Variants in RBM47 observed in about 807,000 individuals in gnomAD.
The protein encoded by RBM47 is RNA-binding protein 47.
Under a neutral mutation model 47.1 loss-of-function variants are expected in RBM47, and 21 were observed. The observed-to-expected ratio is 0.45, with a 90% CI of 0.32 to 0.64. The LOEUF is 0.64. Ranked by LOEUF, RBM47 falls within the 30% of genes least tolerant of loss-of-function variation. RBM47 has a pLI of 0.05. For synonymous variants in RBM47, 375 were observed against 361.7 expected (o/e 1.04, Z -0.42); for missense variants, 708 against 870.9 (o/e 0.81, Z 2.35).
rs905614203 is a variant in RBM47 at position 40,629,800 on chromosome 4, C to T, written c.-644G>A. 6.6e-6 allele frequency: 1 copy of T among 152,216 alleles called. No individual in the cohort carries two copies. The allele number at this position is 152,216 out of a possible 1,614,324, so 9.4% of individuals were successfully genotyped here. A position where few individuals can be genotyped will look rare whatever the true frequency, so the allele number is the denominator to read the frequency against. On this transcript the variant is annotated 5_prime_UTR_variant, in exon 1 of 7. Coordinates refer to ENST00000295971, the MANE Select transcript of RBM47 (RefSeq NM_001098634.2). ...GCCGGGAGCGCGCGGCGGTTCCACC[C>T]GCAGAGCGGCGCCGCGTCCCGGCTG...
At chr4:40,585,695 C>T (rs1471348678) in intron 1 of RBM47, among the ~76,000 whole-genome samples, 5 of 152,210 alleles carry the variant, frequency 3.3e-5, no homozygotes, top group East Asian at 3.9e-4. Flanking sequence ...AAAGGTGTTC[C>T]GGCACACGAT....
intron 2 of RBM47, among the ~76,000 whole-genome samples, chr4:40,524,255 T>C (rs1390740499): frequency 6.6e-6 from 1 of 152,190 alleles, no homozygotes; most frequent in African/African-American, 2.4e-5. Flanking sequence ...AGTACTCTCA[T>C]GATCCCTATT....
intron 1 of RBM47, among the ~76,000 whole-genome samples, chr4:40,548,093 C>T (rs377096282): frequency 6.6e-6 from 1 of 152,160 alleles, no homozygotes. Flanking sequence ...TATAAAACAA[C>T]GTGACACCAG....
intron 2 of RBM47, among the ~76,000 whole-genome samples, chr4:40,523,416 C>T (rs955311687): frequency 6.6e-6 from 1 of 151,970 alleles, no homozygotes; most frequent in Non-Finnish European, 1.5e-5. Context: ...TTTGGGAGGC[C>T]AAGACGGGCA....
In RBM47 at chr4:40,567,538, C is replaced by T. The variant is rs143647794; in HGVS notation, c.-239-23032G>A. Among the ~76,000 whole-genome samples, 188 of 152,096 alleles carry T rather than the reference C, an allele frequency of 1.2e-3. 1 individual carries two copies. The highest frequency in any genetic ancestry group is 4.4e-3 in the African/African-American group (183 of 41,546). On this transcript the variant is annotated intron_variant, in intron 1 of 6. Coordinates refer to ENST00000295971, the MANE Select transcript of RBM47 (RefSeq NM_001098634.2). ...GACACCAATTCAGTAACACGCAGTG[C>T]GCACAGAGAATAGTCATGCAGTAAC...
intron 2 of RBM47, among the ~76,000 whole-genome samples, chr4:40,502,734 T>A (rs1407879507): frequency 4.0e-5 from 6 of 151,874 alleles, no homozygotes; most frequent in Admixed American, 1.3e-4. Context: ...TAGCTCCAGC[T>A]ATTCAGGAGG....
chr4:40,504,737 A>T (rs775398722), intron 2 of RBM47, among the ~76,000 whole-genome samples: 2 of 152,236 alleles, frequency 1.3e-5, no homozygotes, highest in Non-Finnish European at 2.9e-5. Flanking sequence ...TTAAAAGAAT[A>T]TTGGATTACT....
intron 1 of RBM47, among the ~76,000 whole-genome samples, chr4:40,545,745 G>A (rs985339936): frequency 1.3e-5 from 2 of 148,824 alleles, no homozygotes; most frequent in African/African-American, 2.4e-5. Context: ...TATAAAAAGT[G>A]GACTAACAGG....
intron 2 of RBM47, among the ~76,000 whole-genome samples, chr4:40,501,419 T>C (rs747323222): frequency 6.6e-6 from 1 of 152,188 alleles, no homozygotes; most frequent in African/African-American, 2.4e-5. Context: ...ATACTTCACA[T>C]AGTCAGATGC....
intron 3 of RBM47, among the ~76,000 whole-genome samples, chr4:40,452,976 T>C (rs1458002836): frequency 6.6e-6 from 1 of 151,792 alleles, no homozygotes; most frequent in Non-Finnish European, 1.5e-5. Flanking sequence ...CCCGAGTAGC[T>C]GGAACTACAG....
chr4:40,590,086 C>T (rs541052422), intron 1 of RBM47, among the ~76,000 whole-genome samples: 4 of 152,266 alleles, frequency 2.6e-5, no homozygotes, highest in Admixed American at 2.6e-4. Flanking sequence ...GGACAGAAGC[C>T]CACACTCCAT....
chr4:40,618,795 C>T (rs886818703), intron 1 of RBM47, among the ~76,000 whole-genome samples: 26 of 114,282 alleles, frequency 2.3e-4, no homozygotes, highest in African/African-American at 7.6e-4. Context: ...GGCAACAGAG[C>T]GAGACTCCAT....
chr4:40,622,057 G>A (rs918964040), intron 1 of RBM47, among the ~76,000 whole-genome samples: 2 of 152,232 alleles, frequency 1.3e-5, no homozygotes, highest in Non-Finnish European at 2.9e-5. Context: ...GTAAAAGCCT[G>A]TGTGTCTTAT....
At chr4:40,624,430 A>G (rs1737544205) in intron 1 of RBM47, among the ~76,000 whole-genome samples, 1 of 152,142 alleles carries the variant, frequency 6.6e-6, no homozygotes, top group Non-Finnish European at 1.5e-5. Context: ...TTACCCTGAT[A>G]ACAAACTAGC....
intron 1 of RBM47, among the ~76,000 whole-genome samples, chr4:40,578,281 C>CA (rs35026850): frequency 0.051 from 7,787 of 152,068 alleles, 663 homozygotes; most frequent in African/African-American, 0.18. Flanking sequence ...CCATTCCTTA[C>CA]AAAAAAAGTA....
intron 2 of RBM47, among the ~76,000 whole-genome samples, chr4:40,503,138 C>T (rs968014810): frequency 1.3e-5 from 2 of 152,140 alleles, no homozygotes; most frequent in Non-Finnish European, 2.9e-5. Context: ...GTCTTTGAAA[C>T]AAGCACTACA....
chr4:40,508,611 T>C (rs945468786), intron 2 of RBM47, among the ~76,000 whole-genome samples: 1 of 152,236 alleles, frequency 6.6e-6, no homozygotes, highest in Non-Finnish European at 1.5e-5. Flanking sequence ...GAGTACATAC[T>C]GTCTGATTCC....
At chr4:40,535,684 C>G (rs142846137) in intron 2 of RBM47, among the ~76,000 whole-genome samples, 1 of 152,148 alleles carries the variant, frequency 6.6e-6, no homozygotes, top group African/African-American at 2.4e-5. Flanking sequence ...CTCAGTCTAC[C>G]GAGTAGCTGG....
intron 1 of RBM47, among the ~76,000 whole-genome samples, chr4:40,598,445 G>T (rs1228484236): frequency 6.6e-6 from 1 of 152,012 alleles, no homozygotes; most frequent in Non-Finnish European, 1.5e-5. Flanking sequence ...AGAGGGTTTT[G>T]CCATGTTGCC....
Sources: allele counts gnomAD v4.1 joint callset (sites outside exome capture counted in the v4.1 genomes callset), GRCh38; gene constraint gnomAD v4.1.1; transcripts MANE v1.5; gene names NCBI Gene and HGNC (gene_info 2026-07-23, HGNC 2026-07-21).